MYO5A: variants seen among roughly 807,000 people sequenced by gnomAD.
MYO5A encodes unconventional myosin-Va.
In MYO5A, 98 loss-of-function variants were observed where a neutral mutation model predicts 249.7. That is an observed-to-expected ratio of 0.39 (90% CI 0.33 to 0.46). The LOEUF (loss-of-function observed/expected upper bound fraction) is 0.46, where lower values mean the gene tolerates loss of function less well. Ranked by LOEUF, MYO5A falls within the 20% of genes least tolerant of loss-of-function variation. MYO5A has a pLI of 0.98. For missense variants in MYO5A, 1,696 were observed against 2,308.8 expected (o/e 0.73, Z 5.44); for synonymous variants, 778 against 810.6 (o/e 0.96, Z 0.68).
chr15:52,527,549 T>C (rs2077750141), intron 1 of MYO5A, among the ~76,000 whole-genome samples: 2 of 152,340 alleles, frequency 1.3e-5, no homozygotes, highest in East Asian at 3.9e-4. Flanking sequence ...AATTCATAGG[T>C]TACAAAAAGC....
intron 36 of MYO5A, chr15:52,323,992 G>C (rs1307554501): frequency 1.2e-5 from 1 of 84,650 alleles, no homozygotes; most frequent in African/African-American, 4.3e-5. Context: ...GACAGAACGA[G>C]ACTCTGTCTC....
chr15:52,461,555 G>A lies in MYO5A; in HGVS notation c.28-28270C>T, dbSNP rs75558584. On this transcript the variant is annotated intron_variant, in intron 1 of 41. Coordinates refer to ENST00000399233, the MANE Select transcript of MYO5A (RefSeq NM_001382347.1). ...ATTTTGAAGGTGATGAACAGAACATGAGTAAGCATGAAGGGGCTCTAGGTT... is the reference window on the plus strand; with the variant it reads ...ATTTTGAAGGTGATGAACAGAACATAAGTAAGCATGAAGGGGCTCTAGGTT... Among the ~76,000 whole-genome samples the A allele has an allele frequency of 6.2e-4, 94 of 152,298 alleles. No homozygotes were observed. In the East Asian group the frequency reaches 0.017, roughly 27 times the overall value.
intron 33 of MYO5A, 42 bp downstream of exon 33, chr15:52,337,756 GAGGGCTATAAGT>G: frequency 1.5e-6 from 2 of 1,326,370 alleles, no homozygotes; most frequent in Non-Finnish European, 2.1e-6. Context: ...TTCAGTTACA[GAGGGCTATAAGT>G]AGCAAGGGAA....
At chr15:52,466,682 T>C (rs1304117100) in intron 1 of MYO5A, among the ~76,000 whole-genome samples, 3 of 152,140 alleles carry the variant, frequency 2.0e-5, no homozygotes, top group Non-Finnish European at 4.4e-5. Context: ...TCAGGGTAGG[T>C]AGCCACTCCC....
chr15:52,451,373 T>C (rs778980274), intron 1 of MYO5A, among the ~76,000 whole-genome samples: 1 of 152,128 alleles, frequency 6.6e-6, no homozygotes, highest in Admixed American at 6.5e-5. Context: ...CCAGAAATAG[T>C]TCTCTATCAA....
At chr15:52,498,397 G>A (rs1179423914) in intron 1 of MYO5A, among the ~76,000 whole-genome samples, 2 of 152,030 alleles carry the variant, frequency 1.3e-5, no homozygotes, top group African/African-American at 4.8e-5. Flanking sequence ...TACATATATT[G>A]TGTTAAACTG....
At chr15:52,493,395 G>C (rs777395339) in intron 1 of MYO5A, among the ~76,000 whole-genome samples, 2 of 152,154 alleles carry the variant, frequency 1.3e-5, no homozygotes, top group African/African-American at 2.4e-5. Flanking sequence ...GGGCATGGTG[G>C]CTCACACCTG....
intron 1 of MYO5A, among the ~76,000 whole-genome samples, chr15:52,466,583 G>A (rs373023006): frequency 1.3e-5 from 2 of 152,204 alleles, no homozygotes; most frequent in East Asian, 3.8e-4. Context: ...AGCCAAGGCT[G>A]TGAAGCTAGA....
At chr15:52,366,042 T>C (rs1170159935) in intron 23 of MYO5A, among the ~76,000 whole-genome samples, 3 of 152,166 alleles carry the variant, frequency 2.0e-5, no homozygotes, top group African/African-American at 7.2e-5. Context: ...TTCCTCAGTA[T>C]TAGCCCCTTC....
chr15:52,369,074 C>T (rs932532419), intron 22 of MYO5A, among the ~76,000 whole-genome samples: 6 of 152,130 alleles, frequency 3.9e-5, no homozygotes, highest in African/African-American at 7.2e-5. Context: ...AAGAATCTCA[C>T]CTTTTGGCAC....
intron 9 of MYO5A, 36 bp from the exon 10 acceptor site, chr15:52,397,502 A>G: frequency 6.2e-7 from 1 of 1,607,170 alleles, no homozygotes; most frequent in South Asian, 1.1e-5. Flanking sequence ...CTATGACCAG[A>G]TAAATCAAGT....
At position 52,427,206 on chromosome 15, in the gene MYO5A, G is replaced by A. The variant is rs894365736; in HGVS notation, c.310+1192C>T. Reference sequence around the variant, plus strand: ...AGGTGTATATTAACTTAATGAAGTCGTCCATTCAATAAATGTTTATTCAGC... The same window carrying A: ...AGGTGTATATTAACTTAATGAAGTCATCCATTCAATAAATGTTTATTCAGC... On this transcript the variant is annotated intron_variant, in intron 3 of 41. Coordinates refer to ENST00000399233, the MANE Select transcript of MYO5A (RefSeq NM_001382347.1). Among the ~76,000 whole-genome samples the A allele has an allele frequency of 3.1e-4, 47 of 151,914 alleles. 1 individual carries two copies. Among genetic ancestry groups the A allele is most frequent in the Admixed American group, 2.1e-3 (32 of 15,246 alleles).
In MYO5A at chr15:52,323,336, G is replaced by T; in HGVS notation, c.4800+19C>A. The T allele has an allele frequency of 6.3e-7, 1 of 1,596,394 alleles. No individual in the cohort carries two copies. Among genetic ancestry groups the T allele is most frequent in the Non-Finnish European group, 8.6e-7 (1 of 1,164,198 alleles). On this transcript the variant is annotated intron_variant, in intron 37 of 41. Coordinates refer to ENST00000399233, the MANE Select transcript of MYO5A (RefSeq NM_001382347.1). ...AGAGAAAGTATAGCATGCTGGTTTT[G>T]TAATCAAGGTTTTCTCACCTCTTCT...
intron 1 of MYO5A, among the ~76,000 whole-genome samples, chr15:52,467,941 T>G (rs2076383879): frequency 6.6e-6 from 1 of 152,096 alleles, no homozygotes; most frequent in African/African-American, 2.4e-5. Flanking sequence ...TTAAGCTTCA[T>G]AAAACAAAAC....
intron 1 of MYO5A, among the ~76,000 whole-genome samples, chr15:52,510,660 T>A (rs970226702): frequency 1.3e-5 from 2 of 152,224 alleles, no homozygotes; most frequent in Non-Finnish European, 2.9e-5. Flanking sequence ...TGCATGCTTC[T>A]CATGAGAATC....
In MYO5A at chr15:52,364,711, A is replaced by G; in HGVS notation, c.3161-9T>C. ...CTTCTTCTCCATAGTTTCTGAAATT[A>G]AAAAAAGGATATGCATACTAAAGAT... On this transcript the variant is annotated splice_polypyrimidine_tract_variant and intron_variant, in intron 23 of 41. Transcript: ENST00000399233. The G allele has an allele frequency of 6.2e-7, 1 of 1,612,226 alleles. No homozygotes were observed. The highest frequency in any genetic ancestry group is 1.7e-5 in the Admixed American group (1 of 59,996).
chr15:52,430,744 T>C (rs1203862966), intron 2 of MYO5A, among the ~76,000 whole-genome samples: 2 of 152,204 alleles, frequency 1.3e-5, no homozygotes, highest in African/African-American at 4.8e-5. Context: ...TTGGCAAATC[T>C]GCTTCTTATA....
chr15:52,342,985 A>G (rs1476211208), intron 31 of MYO5A, 132 bp downstream of exon 31: 2 of 759,092 alleles, frequency 2.6e-6, no homozygotes, highest in African/African-American at 1.7e-5. Context: ...AACAAATAAC[A>G]CAATTACTAA....
At chr15:52,472,603 T>A (rs1377340953) in intron 1 of MYO5A, among the ~76,000 whole-genome samples, 1 of 152,162 alleles carries the variant, frequency 6.6e-6, no homozygotes, top group Non-Finnish European at 1.5e-5. Flanking sequence ...CCCTGTGTTC[T>A]CATTGTTCAG....
Sources: allele counts gnomAD v4.1 joint callset (sites outside exome capture counted in the v4.1 genomes callset), GRCh38; gene constraint gnomAD v4.1.1; transcripts MANE v1.5; gene names NCBI Gene and HGNC (gene_info 2026-07-23, HGNC 2026-07-21).